SIGIRR: variants seen among roughly 807,000 people sequenced by gnomAD.
SIGIRR encodes the protein single Ig IL-1-related receptor.
A neutral mutation model predicts 45.6 loss-of-function variants in SIGIRR; 41 were observed. The observed-to-expected ratio is 0.90, with a 90% confidence interval of 0.70 to 1.17. The LOEUF (loss-of-function observed/expected upper bound fraction) is 1.17. Ranked by LOEUF, SIGIRR falls within the 50% of genes most tolerant of loss-of-function variation. The probability of loss-of-function intolerance (pLI) is 0.00; values close to 1 mark genes in which losing one functional copy is unlikely to be tolerated. For missense variants in SIGIRR, 599 were observed against 539.6 expected (o/e 1.11, Z -1.09); for synonymous variants, 298 against 239.0 (o/e 1.25, Z -2.28).
At chr11:410,623 G>C (rs1200005956) in intron 1 of SIGIRR, among the ~76,000 whole-genome samples, 19 of 59,832 alleles carry the variant, frequency 3.2e-4, no homozygotes, top group African/African-American at 5.5e-4. Context: ...TGCAGTCGGG[G>C]GGGGGGGGTG....
upstream of SIGIRR, among the ~76,000 whole-genome samples, chr11:416,780 G>A (rs1424572918): frequency 6.6e-6 from 1 of 152,120 alleles, no homozygotes; most frequent in African/African-American, 2.4e-5. This position sits in a 1 kb window ranked among gnomAD's most constrained non-coding sequence, Gnocchi z 9.1. Flanking sequence ...GCCCACCTGC[G>A]CCCTGGGCGC....
rs562484435 is a variant in SIGIRR, at chr11:409,325, C to T, written c.8-432G>A. ...CTGGGGAATCTGCAGAGAGTGTGGG[C>T]ACCAGTGGGTTTGGGGACCCAGATG... On this transcript the variant is annotated intron_variant, in intron 2 of 9. Transcript: ENST00000431843. 18 of 329,382 alleles carry T rather than the reference C, an allele frequency of 5.5e-5. 1 individual carries two copies. Among genetic ancestry groups the T allele is most frequent in the African/African-American group, 2.8e-4 (13 of 47,214 alleles). 20.4% of individuals were successfully genotyped at this position (329,382 alleles called of 1,614,324 possible).
intron 2 of SIGIRR, 146 bp from the exon 3 acceptor site, chr11:409,039 C>T: frequency 2.8e-6 from 2 of 725,786 alleles, no homozygotes; most frequent in Non-Finnish European, 4.7e-6. Flanking sequence ...TGGGGACAGG[C>T]TTAGCACTTG....
chr11:407,213 CGGGGCCGGAGGCTCAGGGGCGGT>C, intron 6 of SIGIRR, 49 bp from the exon 7 acceptor site: 1 of 144,834 alleles, frequency 6.9e-6, no homozygotes, highest in Non-Finnish European at 1.2e-5. Context: ...CGGGGGAGGG[CGGGGCCGGAGGCTCAGGGGCGGT>C]GCCGGACGCA....
At chr11:411,631 C>T (rs895898887) in intron 1 of SIGIRR, among the ~76,000 whole-genome samples, 1 of 94,020 alleles carries the variant, frequency 1.1e-5, no homozygotes, top group Non-Finnish European at 2.2e-5. Context: ...TGTCTGGATG[C>T]AGTCGGGGGG....
At chr11:413,594 C>T (rs568461168) in intron 1 of SIGIRR, among the ~76,000 whole-genome samples, 7 of 152,020 alleles carry the variant, frequency 4.6e-5, no homozygotes, top group East Asian at 3.9e-4. Context: ...TGCCAGGATA[C>T]GAGCACAGCA....
At position 406,855 on chromosome 11, in the gene SIGIRR, C is replaced by T. The variant is rs754254092; in HGVS notation, c.867G>A (p.Arg289=). 5.7e-6 allele frequency: 9 copies of T among 1,565,226 alleles called. No individual in the cohort carries two copies. The highest frequency in any genetic ancestry group is 2.3e-5 in the East Asian group (1 of 43,114). The change falls in exon 8 of 10, where the codon AGG becomes AGA. Residue 289 remains arginine, a synonymous_variant. Coordinates refer to ENST00000431843, the MANE Select transcript of SIGIRR (RefSeq NM_001135054.2). ...HRHLVTLLLW[R]PGSVTPSSDF... is the part of the protein sequence containing the mutation. ...GCCTGCTCCGCACCACGGAGCCGGG[C>T]CTCCAGAGCAGCAAGGTCACCAGGT...
At position 406,901 on chromosome 11, in the gene SIGIRR, C is replaced by T; in HGVS notation, c.821G>A (p.Arg274His). 2 of 1,588,784 alleles carry T rather than the reference C, an allele frequency of 1.3e-6. No homozygotes were observed. Among genetic ancestry groups the T allele is most frequent in the Non-Finnish European group, 1.7e-6 (2 of 1,173,056 alleles). Residue 274 changes from arginine to histidine, a missense_variant, in exon 8 of 10, where the codon CGC (arginine) becomes CAC (histidine). Transcript: ENST00000431843. ...CAGGTGGCGGTGCTGGCGCAGCAGG[C>T]GGAGCGCCGGGTGCGCGGGGTCGCG... is the stretch of plus-strand genomic sequence containing the variant. The part of the protein sequence containing the change: ...QRRDPAHPAL[R>H]LLRQHRHLVT...
intron 1 of SIGIRR, 144 bp from the exon 2 acceptor site, chr11:410,171 T>C: frequency 1.4e-6 from 1 of 716,828 alleles, no homozygotes; most frequent in Non-Finnish European, 1.9e-6. Context: ...GCCAGCAGGG[T>C]GTCTCTTTGA....
intron 8 of SIGIRR, 40 bp downstream of exon 8, chr11:406,803 C>G: frequency 6.8e-7 from 1 of 1,478,300 alleles, no homozygotes; most frequent in Non-Finnish European, 8.9e-7. Flanking sequence ...CCATCTCTAA[C>G]CCGCCGCTAG....
In SIGIRR at chr11:408,216, C is replaced by A; in HGVS notation, c.207-10G>T. On this transcript the variant is annotated splice_polypyrimidine_tract_variant and intron_variant, in intron 3 of 9. Transcript: ENST00000431843. ...CAGGTTGGCCTTGACCCTGGGGATACCAAGCCAGGGTCAGGGTCGACTGGG... is the reference window on the plus strand; with the variant it reads ...CAGGTTGGCCTTGACCCTGGGGATAACAAGCCAGGGTCAGGGTCGACTGGG... The A allele has an allele frequency of 6.2e-7, 1 of 1,612,138 alleles. No homozygotes were observed. The highest frequency in any genetic ancestry group is 1.1e-5 in the South Asian group (1 of 91,072).
Position 408,781 on chromosome 11 carries a change from G to A in SIGIRR, c.120C>T (p.Pro40=), listed in dbSNP as rs1395779932. The part of the protein sequence containing the change: ...LNCTAWVVSG[P]HCSLPSVQWL... Reference sequence around the variant, plus strand: ...ACTGGACTGAAGGCAGGGAGCAGTGGGGCCCAGAGACTACCCAAGCCGTGC... The same window carrying A: ...ACTGGACTGAAGGCAGGGAGCAGTGAGGCCCAGAGACTACCCAAGCCGTGC... Residue 40 remains proline (P), a synonymous_variant, in exon 3 of 10, where the codon CCC becomes CCT. Transcript: ENST00000431843. The A allele has an allele frequency of 2.4e-5, 39 of 1,612,642 alleles. No individual in the cohort carries two copies. Among genetic ancestry groups the A allele is most frequent in the Non-Finnish European group, 3.2e-5 (38 of 1,179,980 alleles).
chr11:405,988 G>C lies in SIGIRR; in HGVS notation c.1141C>G (p.Arg381Gly). The C allele has an allele frequency of 6.2e-7, 1 of 1,611,950 alleles. No homozygotes were observed. Among genetic ancestry groups the C allele is most frequent in the Non-Finnish European group, 8.5e-7 (1 of 1,179,584 alleles). Reference protein sequence around the residue: ...HTSGVSLGESRSSEVDVSDLG... With the variant: ...HTSGVSLGESGSSEVDVSDLG... ...TCCGAGACGTCCACTTCGCTGCTCC[G>C]GCTCTCTCCCAGCGAGACCCCACTG... The change falls in exon 10 of 10, where the codon CGG (arginine) becomes GGG (glycine). Residue 381 changes from arginine to glycine, a missense_variant. Coordinates refer to ENST00000431843, the MANE Select transcript of SIGIRR (RefSeq NM_001135054.2).
intron 6 of SIGIRR, 127 bp downstream of exon 6, chr11:407,298 G>T (rs1463245154): frequency 1.0e-5 from 8 of 775,972 alleles, no homozygotes; most frequent in Non-Finnish European, 1.3e-5. Context: ...TTTGAGGCGG[G>T]GCCTCGGGTG....
At chr11:407,687 C>T in intron 5 of SIGIRR, 119 bp from the exon 6 acceptor site, 3 of 1,559,250 alleles carry the variant, frequency 1.9e-6, no homozygotes, top group South Asian at 1.2e-5. Context: ...GGACTTTAAC[C>T]CCAGCCGGGC....
upstream of SIGIRR, among the ~76,000 whole-genome samples, chr11:415,597 G>A (rs966289161): frequency 4.6e-5 from 7 of 152,132 alleles, no homozygotes; most frequent in African/African-American, 9.7e-5. This position sits in a 1 kb window ranked among gnomAD's most constrained non-coding sequence, Gnocchi z 6.6. Flanking sequence ...CCCTCTCCCC[G>A]TCCCTCTCCC....
intron 3 of SIGIRR, among the ~76,000 whole-genome samples, 179 bp from the exon 4 acceptor site, chr11:408,385 CG>C (rs1847449755): frequency 1.3e-5 from 2 of 152,172 alleles, no homozygotes. Context: ...TCAGAACAGC[CG>C]TCCCAGTCCT....
At chr11:416,815 C>T (rs1847897541), upstream of SIGIRR, among the ~76,000 whole-genome samples, 10 of 152,264 alleles carry the variant, frequency 6.6e-5, 1 homozygote, top group South Asian at 2.1e-3. The surrounding 1 kb of genome is among the most constrained non-coding windows in gnomAD (Gnocchi z 9.1). Flanking sequence ...GGGCGGAGAA[C>T]GAGGACGCGC....
Position 407,118 on chromosome 11 carries a change from GA to G in SIGIRR, c.671del (p.Leu224ProfsTer10). The G allele has an allele frequency of 1.3e-6, 2 of 1,534,454 alleles. No individual in the cohort carries two copies. The highest frequency in any genetic ancestry group is 1.2e-5 in the South Asian group (1 of 80,524). On this transcript the variant is annotated frameshift_variant, in exon 7 of 10. Coordinates refer to ENST00000431843, the MANE Select transcript of SIGIRR (RefSeq NM_001135054.2). LOFTEE classifies it high-confidence loss of function. ...LLVNLSRCRR[L>X]IVVLSDAFLS... ...GGAAGGCGTCCGAAAGCACCACGATGAGGCGTCGGCAGCGGCTCAGGTTCAC... is the reference window on the plus strand; with the variant it reads ...GGAAGGCGTCCGAAAGCACCACGATGGGCGTCGGCAGCGGCTCAGGTTCAC...
Sources: allele counts gnomAD v4.1 joint callset (sites outside exome capture counted in the v4.1 genomes callset), GRCh38; gene constraint gnomAD v4.1.1; non-coding constraint Gnocchi (gnomAD v3.1); transcripts MANE v1.5; gene names NCBI Gene and HGNC (gene_info 2026-07-23, HGNC 2026-07-21).